The following RELL1 variants were observed in gnomAD, a reference collection of about 807,000 sequenced individuals.
RELL1 encodes the protein RELT-like protein 1.
Under a neutral mutation model 23.0 loss-of-function variants are expected in RELL1, and 10 were observed. That is an observed-to-expected ratio of 0.43 (90% confidence interval 0.27 to 0.74). RELL1 has a LOEUF of 0.74. Among genes scored for constraint, RELL1 ranks in the 30% least tolerant of loss-of-function variants. The pLI, the probability that RELL1 is intolerant of heterozygous loss-of-function variation, is 0.19. For synonymous variants in RELL1, 146 were observed against 146.8 expected (o/e 0.99, Z 0.04); for missense variants, 315 against 364.4 (o/e 0.86, Z 1.10).
chr4:37,609,921 C>CAA (rs1719323820), downstream of RELL1, among the ~76,000 whole-genome samples: 1 of 152,172 alleles, frequency 6.6e-6, no homozygotes, highest in African/African-American at 2.4e-5. Context: ...GAAATGACAG[C>CAA]AAAGGATTTA....
At chr4:37,680,850 T>C (rs906421360) in intron 1 of RELL1, among the ~76,000 whole-genome samples, 1 of 146,156 alleles carries the variant, frequency 6.8e-6, no homozygotes, top group African/African-American at 2.6e-5. Flanking sequence ...GAGAATGGCA[T>C]GAACCCTGGA....
Position 37,686,233 on chromosome 4 carries a change from C to T in RELL1, c.55G>A (p.Gly19Arg), listed in dbSNP as rs1305265388. 11 of 1,580,996 alleles carry T rather than the reference C, an allele frequency of 7.0e-6. No individual in the cohort carries two copies. Among genetic ancestry groups the T allele is most frequent in the Middle Eastern group, 3.3e-4 (2 of 5,990 alleles). ...SAVLAAAVFV[G>R]GAVSSPLVAP... Reference sequence around the variant, plus strand: ...ACCAGCGGCGAACTCACGGCGCCTCCCACGAAGACAGCAGCGGCTAGGACG... The same window carrying T: ...ACCAGCGGCGAACTCACGGCGCCTCTCACGAAGACAGCAGCGGCTAGGACG... The change falls in exon 1 of 7, where the codon GGA becomes AGA. Residue 19 changes from glycine to arginine, a missense_variant. By Grantham distance (125) the Gly-to-Arg change is moderately radical. Coordinates refer to ENST00000454158, the MANE Select transcript of RELL1 (RefSeq NM_001085400.2).
At chr4:37,669,250 G>A (rs1310172951) in intron 1 of RELL1, among the ~76,000 whole-genome samples, 18 of 117,606 alleles carry the variant, frequency 1.5e-4, no homozygotes, top group South Asian at 2.7e-4. Context: ...TCAGCCCCCC[G>A]CCCGGCCAGC....
At chr4:37,590,941 G>A (rs1351719957) in exon 7 of RELL1, 3 of 1,614,174 alleles carry the variant, frequency 1.9e-6, no homozygotes, top group Non-Finnish European at 2.5e-6. Context: ...AGCGGTGGCG[G>A]AGGCCCTTGC....
intron 6 of RELL1, among the ~76,000 whole-genome samples, chr4:37,627,862 C>T (rs1577573742): frequency 6.6e-6 from 1 of 152,114 alleles, no homozygotes; most frequent in Non-Finnish European, 1.5e-5. Flanking sequence ...AAGACTGTAT[C>T]AGATTGTAGA....
At chr4:37,593,624 G>A (rs1024148181) in intron 6 of RELL1, among the ~76,000 whole-genome samples, 1 of 152,222 alleles carries the variant, frequency 6.6e-6, no homozygotes, top group Non-Finnish European at 1.5e-5. Context: ...CTAGGAAATC[G>A]TCTTGCTAGT....
At chr4:37,667,956 G>C (rs986015353) in intron 1 of RELL1, among the ~76,000 whole-genome samples, 1 of 149,860 alleles carries the variant, frequency 6.7e-6, no homozygotes, top group East Asian at 2.0e-4. Flanking sequence ...TCTCAATTGT[G>C]AATGAAAAAT....
intron 1 of RELL1, chr4:37,665,504 C>A (rs931535533): frequency 1.4e-5 from 5 of 346,736 alleles, no homozygotes; most frequent in African/African-American, 1.1e-4. Flanking sequence ...TAAGGGGACG[C>A]TAAATCCGAG....
rs187130791 is a variant in RELL1, at chr4:37,614,952, T to G, written c.*4-1610A>C. 6.4e-3 allele frequency among the ~76,000 whole-genome samples: 971 copies of G among 152,178 alleles called. 18 individuals carry two copies. The highest frequency in any genetic ancestry group is 0.022 in the African/African-American group (924 of 41,514). On this transcript the variant is annotated intron_variant, in intron 6 of 6. Transcript: ENST00000454158. ...CACAGATTTGACCGGCTTTAAGAAC[T>G]GGGCATGCAAGAATACAGGCTAAGC...
At chr4:37,624,398 A>G (rs937763903) in intron 6 of RELL1, among the ~76,000 whole-genome samples, 2 of 150,302 alleles carry the variant, frequency 1.3e-5, no homozygotes, top group African/African-American at 4.9e-5. Flanking sequence ...TGGAAGAAGG[A>G]AATGGTTCTT....
chr4:37,592,117 G>A (rs1718640745), intron 6 of RELL1, among the ~76,000 whole-genome samples: 1 of 151,260 alleles, frequency 6.6e-6, no homozygotes, highest in African/African-American at 2.4e-5. Flanking sequence ...CTGAGGCAAG[G>A]AGAATCACTT....
chr4:37,630,151 C>T (rs1447004411), intron 6 of RELL1, among the ~76,000 whole-genome samples: 1 of 144,794 alleles, frequency 6.9e-6, no homozygotes, highest in Non-Finnish European at 1.5e-5. Context: ...TAAGTGTAAA[C>T]TCTTCTGCCT....
chr4:37,593,924 G>A (rs1298095652), intron 6 of RELL1, among the ~76,000 whole-genome samples: 1 of 152,182 alleles, frequency 6.6e-6, no homozygotes, highest in Non-Finnish European at 1.5e-5. Context: ...AGACAAAGAA[G>A]GGGTAGGGTA....
Position 37,649,352 on chromosome 4 carries a change from G to A in RELL1, c.237C>T (p.His79=), listed in dbSNP as rs778222987. 1.2e-6 allele frequency: 2 copies of A among 1,614,204 alleles called. No homozygotes were observed. The highest frequency in any genetic ancestry group is 4.5e-5 in the East Asian group (2 of 44,894). Residue 79 remains histidine, a synonymous_variant, in exon 2 of 7, where the codon CAC becomes CAT. Coordinates refer to ENST00000454158, the MANE Select transcript of RELL1 (RefSeq NM_001085400.2). ...IMGLFGVLIC[H]LLKKKGYRCT... ...AACGATAGCCTTTCTTCTTAAGCAG[G>A]TGGCAAATGAGGACGCCAAAGAGAC...
intron 1 of RELL1, among the ~76,000 whole-genome samples, chr4:37,658,959 A>G (rs1721220872): frequency 7.1e-6 from 1 of 141,256 alleles, no homozygotes. Context: ...CTTATCACCA[A>G]TCAATCTCCC....
At chr4:37,599,213 C>T (rs2973278) in intron 6 of RELL1, among the ~76,000 whole-genome samples, 130,522 of 152,238 alleles carry the variant, frequency 0.86, 56,083 homozygotes, top group East Asian at 1. Flanking sequence ...AATAGGTCTG[C>T]TGCCCAACGT....
Position 37,635,012 on chromosome 4 carries a change from A to G in RELL1, c.555T>C (p.Gly185=), listed in dbSNP as rs778991219. 1.2e-6 allele frequency: 2 copies of G among 1,613,900 alleles called. No individual in the cohort carries two copies. Among genetic ancestry groups the G allele is most frequent in the Admixed American group, 3.3e-5 (2 of 59,980 alleles). Residue 185 remains glycine (G), a synonymous_variant, in exon 5 of 7, where the codon GGT becomes GGC. Coordinates refer to ENST00000454158, the MANE Select transcript of RELL1 (RefSeq NM_001085400.2). The part of the protein sequence containing the change: ...VCGHHLHTVG[G]VVERDVCHRC... ...GATGACACACATCCCTCTCGACAAC[A>G]CCGCCCACCGTATGCAGATGATGGC...
downstream of RELL1, among the ~76,000 whole-genome samples, chr4:37,607,463 G>A (rs1719257091): frequency 6.6e-6 from 1 of 152,030 alleles, no homozygotes; most frequent in Non-Finnish European, 1.5e-5. Flanking sequence ...TTGCTGTAGT[G>A]TGCTTTGCAG....
At chr4:37,652,796 C>T (rs77192219) in intron 1 of RELL1, among the ~76,000 whole-genome samples, 2,557 of 152,158 alleles carry the variant, frequency 0.017, 35 homozygotes, top group Non-Finnish European at 0.025. Flanking sequence ...TCATAATTAT[C>T]GTGCCATGAA....
Sources: gnomAD v4.1 joint callset for allele counts (sites outside exome capture counted in the v4.1 genomes callset) on GRCh38, gnomAD v4.1.1 for gene constraint, MANE v1.5 for transcripts, NCBI Gene and HGNC (gene_info 2026-07-23, HGNC 2026-07-21) for gene names.